RB1CC1: variants seen among roughly 807,000 people sequenced by gnomAD.
RB1CC1 encodes the protein RB1 inducible coiled-coil 1.
In RB1CC1, 46 loss-of-function variants were observed where a neutral mutation model predicts 177.5. The ratio of observed to expected loss-of-function variants is 0.26; its 90% confidence interval spans 0.20 to 0.33. The LOEUF is 0.33. RB1CC1 is among the 10% of genes least tolerant of loss of function. The pLI, the probability that RB1CC1 is intolerant of heterozygous loss-of-function variation, is 1.00. For missense variants in RB1CC1, 1,703 were observed against 1,816.3 expected, an observed-to-expected ratio of 0.94 and a Z score of 1.13; for synonymous variants, 666 against 613.6, an observed-to-expected ratio of 1.09 and a Z score of -1.26.
chr8:52,637,076 T>C (rs551630377), intron 18 of RB1CC1, among the ~76,000 whole-genome samples: 220 of 152,304 alleles, frequency 1.4e-3, no homozygotes, highest in Non-Finnish European at 2.7e-3. Context: ...CAATTCCATA[T>C]GAATTTTAGG....
chr8:52,698,583 A>G (rs906020770), intron 1 of RB1CC1, among the ~76,000 whole-genome samples: 3 of 148,978 alleles, frequency 2.0e-5, no homozygotes, highest in Non-Finnish European at 4.4e-5. Flanking sequence ...AAGTGCTGGG[A>G]TTACAGGTGT....
chr8:52,700,594 A>AGCATATCTTATTGGTCATTG (rs1264026786), intron 1 of RB1CC1, among the ~76,000 whole-genome samples: 5 of 152,194 alleles, frequency 3.3e-5, no homozygotes, highest in Non-Finnish European at 7.3e-5. Context: ...GTGTGGACTA[A>AGCATATCTTATTGGTCATTG]GCATATCTTA....
intron 16 of RB1CC1, among the ~76,000 whole-genome samples, chr8:52,645,270 A>G (rs1432519878): frequency 6.6e-6 from 1 of 152,234 alleles, no homozygotes; most frequent in Non-Finnish European, 1.5e-5. Flanking sequence ...ATTTAGGATA[A>G]CAAAGTTTAG....
chr8:52,673,932 A>T lies in RB1CC1; in HGVS notation c.915T>A (p.Asn305Lys). The T allele has an allele frequency of 6.2e-7, 1 of 1,614,170 alleles. No individual in the cohort carries two copies. Among genetic ancestry groups the T allele is most frequent in the Non-Finnish European group, 8.5e-7 (1 of 1,179,998 alleles). ...DTKDGDLPFFNVSLLDWINVQ... is the reference protein window; with the variant it reads ...DTKDGDLPFFKVSLLDWINVQ... Reference sequence around the variant, plus strand: ...CATTTATCCAGTCTAACAAAGAGACATTAAAAAAGGGCAGATCACCATCTT... The same window carrying T: ...CATTTATCCAGTCTAACAAAGAGACTTTAAAAAAGGGCAGATCACCATCTT... Residue 305 changes from asparagine (N) to lysine (K), a missense_variant, in exon 7 of 24, where the codon AAT (asparagine) becomes AAA (lysine). Physicochemically the swap from Asn to Lys is moderately conservative, Grantham distance 94 (BLOSUM62 0). This residue lies in a region of RB1CC1 where 315 missense variants were observed against 304.9 expected (regional missense o/e 1.03). Coordinates refer to ENST00000025008, the MANE Select transcript of RB1CC1 (RefSeq NM_014781.5).
chr8:52,658,013 T>C lies in RB1CC1; in HGVS notation c.1905A>G (p.Leu635=). Residue 635 remains leucine (L), a synonymous_variant, in exon 14 of 24, where the codon CTA becomes CTG. Transcript: ENST00000025008. ...LDEMSQTITD[L]LSEQKASVSQ... The stretch of plus-strand genomic sequence containing the variant: ...TTGAATTTGCCTTTTGTTCACTCAG[T>C]AGATCTGTAATGGTCTGTGACATTT... 1 of 1,614,008 alleles carries C rather than the reference T, an allele frequency of 6.2e-7. No homozygotes were observed. Among genetic ancestry groups the C allele is most frequent in the Middle Eastern group, 1.7e-4 (1 of 6,038 alleles).
chr8:52,655,996 C>A lies in RB1CC1; in HGVS notation c.3821+12G>T, dbSNP rs529888988. On this transcript the variant is annotated intron_variant, in intron 15 of 23. Transcript: ENST00000025008. ...TTTAATTTTATAATTACAGACTAAA[C>A]TTAATTCTTACCTTTTTGCTATTTG... 1.9e-4 allele frequency: 290 copies of A among 1,563,764 alleles called. No homozygotes were observed. In the Middle Eastern group the frequency reaches 2.1e-3, roughly 11 times the overall value.
intron 5 of RB1CC1, among the ~76,000 whole-genome samples, chr8:52,677,782 A>C (rs772314855): frequency 6.6e-6 from 1 of 152,096 alleles, no homozygotes. Context: ...GCTGCCACTA[A>C]AATAGAGTGG....
intron 3 of RB1CC1, among the ~76,000 whole-genome samples, chr8:52,685,064 G>A (rs1475166368): frequency 6.7e-6 from 1 of 148,496 alleles, no homozygotes; most frequent in Non-Finnish European, 1.5e-5. Flanking sequence ...GTGCAGTGGT[G>A]CGATCTTGAC....
At position 52,662,652 on chromosome 8, in the gene RB1CC1, T is replaced by C. The variant is rs986828863; in HGVS notation, c.1174-933A>G. 3.9e-5 allele frequency among the ~76,000 whole-genome samples: 6 copies of C among 152,142 alleles called. 1 individual carries two copies. Among genetic ancestry groups the C allele is most frequent in the South Asian group, 4.1e-4 (2 of 4,826 alleles). On this transcript the variant is annotated intron_variant, in intron 8 of 23. Coordinates refer to ENST00000025008, the MANE Select transcript of RB1CC1 (RefSeq NM_014781.5). The stretch of plus-strand genomic sequence containing the variant: ...ACTTTATGACCAGCTAAAGGACAAG[T>C]GTGTCTTCCAATTTTCTGGTAGTTC...
intron 15 of RB1CC1, among the ~76,000 whole-genome samples, chr8:52,652,459 CAAAAA>C (rs35615959): frequency 1.1e-5 from 1 of 92,684 alleles, no homozygotes; most frequent in Non-Finnish European, 2.3e-5. Flanking sequence ...GACTCTGTCT[CAAAAA>C]AAAAAAAAAA....
rs1189984754 is a variant in RB1CC1 at position 52,666,395 on chromosome 8, G to A, written c.1173+1626C>T. Among the ~76,000 whole-genome samples the A allele has an allele frequency of 3.3e-5, 5 of 151,996 alleles. No homozygotes were observed. The East Asian group carries it at 5.8e-4, about 18-fold the overall frequency. On this transcript the variant is annotated intron_variant, in intron 8 of 23. Transcript: ENST00000025008. ...TAACCAGGCGTGGTGGTGCATGCCT[G>A]TAATCCCAGCTACTTCGGAGACTGA...
intron 4 of RB1CC1, 42 bp downstream of exon 4, chr8:52,683,845 A>T (rs749658055): frequency 1.2e-6 from 2 of 1,602,594 alleles, no homozygotes; most frequent in African/African-American, 2.7e-5. Context: ...ATGTGATGTA[A>T]AGATGTTGCA....
Position 52,657,825 on chromosome 8 carries a change from C to T in RB1CC1, c.2004G>A (p.Pro668=), listed in dbSNP as rs760920462. The change falls in exon 15 of 24, where the codon CCG becomes CCA. Residue 668 remains proline, a synonymous_variant. Transcript: ENST00000025008. The part of the protein sequence containing the change: ...STAGITTTTS[P]RTPPPLTVQD... ...GAACAGTCAGTGGTGGAGGAGTTCT[C>T]GGTGAGGTAGTAGTTGTAATTCCTG... is the stretch of plus-strand genomic sequence containing the variant. 5 of 1,613,776 alleles carry T rather than the reference C, an allele frequency of 3.1e-6. No individual in the cohort carries two copies. Among genetic ancestry groups the T allele is most frequent in the Admixed American group, 1.7e-5 (1 of 60,002 alleles).
intron 20 of RB1CC1, among the ~76,000 whole-genome samples, chr8:52,634,040 CAA>C (rs1848949497): frequency 6.6e-6 from 1 of 152,154 alleles, no homozygotes; most frequent in African/African-American, 2.4e-5. Flanking sequence ...TTGCTTGAGC[CAA>C]AGAGGTTGAA....
chr8:52,668,124 T>C lies in RB1CC1; in HGVS notation c.1070A>G (p.Gln357Arg), dbSNP rs749642434. ...CRQTIAKLDN[Q>R]NMKAIKGLED... ...AAGTCCTTTAATGGCTTTCATATTCTGATTATCAAGTTTGGCAATAGTTTG... is the reference window on the plus strand; with the variant it reads ...AAGTCCTTTAATGGCTTTCATATTCCGATTATCAAGTTTGGCAATAGTTTG... The change falls in exon 8 of 24, where the codon CAG becomes CGG. Residue 357 changes from glutamine to arginine, a missense_variant. Gln to Arg is a conservative substitution (Grantham distance 43). Transcript: ENST00000025008. 5 of 1,614,138 alleles carry C rather than the reference T, an allele frequency of 3.1e-6. No individual in the cohort carries two copies. The Admixed American group carries it at 5.0e-5, about 16-fold the overall frequency.
At chr8:52,665,565 T>C (rs954566991) in intron 8 of RB1CC1, among the ~76,000 whole-genome samples, 3 of 152,070 alleles carry the variant, frequency 2.0e-5, no homozygotes, top group South Asian at 2.1e-4. Context: ...CCAAAAGAAG[T>C]ATGGTTAAAT....
intron 5 of RB1CC1, among the ~76,000 whole-genome samples, chr8:52,677,795 A>G (rs938610500): frequency 3.4e-5 from 5 of 149,006 alleles, no homozygotes; most frequent in Admixed American, 1.3e-4. Flanking sequence ...TAGAGTGGGG[A>G]AAAAAACTCT....
Position 52,627,198 on chromosome 8 carries a change from T to C in RB1CC1, c.4636+834A>G, listed in dbSNP as rs566832361. Reference sequence around the variant, plus strand: ...CCCGCCTCTACTAAAAATACAAAAATTAGCTGGGCGTGGTGGCACACGCCT... The same window carrying C: ...CCCGCCTCTACTAAAAATACAAAAACTAGCTGGGCGTGGTGGCACACGCCT... On this transcript the variant is annotated intron_variant, in intron 22 of 23. Transcript: ENST00000025008. Among the ~76,000 whole-genome samples the C allele has an allele frequency of 2.3e-3, 339 of 150,264 alleles. 5 individuals are homozygous for C. The highest frequency in any genetic ancestry group is 5.1e-3 in the East Asian group (26 of 5,060).
chr8:52,681,992 A>T (rs1853785523), intron 5 of RB1CC1, among the ~76,000 whole-genome samples: 1 of 152,114 alleles, frequency 6.6e-6, no homozygotes, highest in Admixed American at 6.5e-5. Flanking sequence ...CTCTGAGAAG[A>T]GGGTCACGGT....
Sources: allele counts gnomAD v4.1 joint callset (sites outside exome capture counted in the v4.1 genomes callset), GRCh38; gene constraint gnomAD v4.1.1; regional missense constraint gnomAD v4.1.1; transcripts MANE v1.5; gene names NCBI Gene and HGNC (gene_info 2026-07-23, HGNC 2026-07-21).